AFDN: variants seen among roughly 807,000 people sequenced by gnomAD.
The protein encoded by AFDN is afadin.
Under a neutral mutation model 216.6 loss-of-function variants are expected in AFDN, and 68 were observed. That is an observed-to-expected ratio of 0.31 (90% CI 0.26 to 0.38). The LOEUF is 0.38. Ranked by LOEUF, AFDN falls within the 10% of genes least tolerant of loss-of-function variation. The pLI is 1.00. For missense variants in AFDN, 2,136 were observed against 2,342.0 expected (o/e 0.91, Z 1.82); for synonymous variants, 868 against 853.7 (o/e 1.02, Z -0.29).
intron 4 of AFDN, 110 bp from the exon 5 acceptor site, chr6:167,875,225 A>G (rs1785218610): frequency 2.2e-6 from 2 of 929,074 alleles, no homozygotes; most frequent in Non-Finnish European, 3.3e-6. Context: ...TCTTAGGTAC[A>G]GATGTAGCCA....
chr6:167,835,230 T>C (rs1339153622), intron 1 of AFDN, among the ~76,000 whole-genome samples: 1 of 152,256 alleles, frequency 6.6e-6, no homozygotes, highest in Non-Finnish European at 1.5e-5. Flanking sequence ...ATACAAGTTT[T>C]TAAAAAATTT....
intron 23 of AFDN, among the ~76,000 whole-genome samples, chr6:167,933,794 A>G (rs1372884247): frequency 1.3e-5 from 2 of 152,270 alleles, no homozygotes; most frequent in Admixed American, 6.5e-5. Context: ...TTAAAATAAC[A>G]TAATAGGAAC....
rs377069127 is a variant in AFDN at position 167,951,845 on chromosome 6, C to T, written c.4491C>T (p.Ile1497=). ...ELQPQQQPRT[I]ERRDLQYITV... is the part of the protein sequence containing the mutation. ...AGCCTCAGCAGCAGCCCCGCACGAT[C>T]GAGCGCAGAGACTTGCAGTACATTA... Residue 1497 remains isoleucine (I), a synonymous_variant, in exon 30 of 34, where the codon ATC becomes ATT. Transcript: ENST00000683244. The surrounding 1 kb of genome is among the most constrained non-coding windows in gnomAD (Gnocchi z 7.1). 1.1e-5 allele frequency: 17 copies of T among 1,613,994 alleles called. No individual in the cohort carries two copies. In the East Asian group the frequency reaches 1.1e-4, roughly 11 times the overall value.
intron 31 of AFDN, chr6:167,964,629 T>C: frequency 9.5e-7 from 1 of 1,056,532 alleles, no homozygotes. Context: ...TGTGTGTGTG[T>C]GTGTGTGTGT....
At position 167,860,338 on chromosome 6, in the gene AFDN, C is replaced by T. The variant is rs144476142; in HGVS notation, c.106-4213C>T. Among the ~76,000 whole-genome samples, 746 of 152,164 alleles carry T rather than the reference C, an allele frequency of 4.9e-3. 10 individuals are homozygous for T. Among genetic ancestry groups the T allele is most frequent in the African/African-American group, 0.016 (681 of 41,518 alleles). ...ATTGAGAACAGACAACCACAGCTGG[C>T]AGAATTAGGTCTTGTTATTGGGCAT... On this transcript the variant is annotated intron_variant, in intron 1 of 33. Transcript: ENST00000683244.
intron 30 of AFDN, among the ~76,000 whole-genome samples, chr6:167,959,046 C>CA (rs765992921): frequency 6.6e-6 from 1 of 152,320 alleles, no homozygotes; most frequent in Non-Finnish European, 1.5e-5. Flanking sequence ...GAATGGAATA[C>CA]AAAGTTTGTA....
At chr6:167,922,829 C>CT (rs762606924) in intron 21 of AFDN, 27 bp from the exon 22 acceptor site, 1 of 1,478,214 alleles carries the variant, frequency 6.8e-7, no homozygotes, top group South Asian at 1.2e-5. Context: ...TGCTTTTTCA[C>CT]TTACAATTTG....
intron 1 of AFDN, 87 bp downstream of exon 1, chr6:167,827,324 C>A: frequency 3.0e-6 from 1 of 338,422 alleles, no homozygotes; most frequent in Non-Finnish European, 3.8e-6. Context: ...CCGCCAGCCG[C>A]GGACCCGCCC....
chr6:167,869,010 G>A (rs1348649106), intron 2 of AFDN, among the ~76,000 whole-genome samples: 1 of 151,336 alleles, frequency 6.6e-6, no homozygotes, highest in African/African-American at 2.4e-5. Context: ...TCTTGAGCTC[G>A]ATCGATCTAT....
At chr6:167,846,829 A>G (rs1032230521) in intron 1 of AFDN, among the ~76,000 whole-genome samples, 3 of 151,868 alleles carry the variant, frequency 2.0e-5, no homozygotes, top group Non-Finnish European at 2.9e-5. Context: ...AAAAGTCATA[A>G]TTAAAACTCT....
At chr6:167,896,811 T>A (rs910296874) in intron 9 of AFDN, 67 bp from the exon 10 acceptor site, 6 of 936,928 alleles carry the variant, frequency 6.4e-6, no homozygotes, top group Admixed American at 2.0e-5. Context: ...ACCTTTTGTT[T>A]GTTGGAAATA....
At chr6:167,870,282 G>C (rs1174231441) in intron 2 of AFDN, 104 bp from the exon 3 acceptor site, 1 of 651,644 alleles carries the variant, frequency 1.5e-6, no homozygotes, top group Non-Finnish European at 2.7e-6. Flanking sequence ...TCTGCAAGTA[G>C]GTGCTTTGTC....
intron 1 of AFDN, among the ~76,000 whole-genome samples, chr6:167,864,068 T>C (rs1583201864): frequency 6.6e-6 from 1 of 152,198 alleles, no homozygotes; most frequent in African/African-American, 2.4e-5. Flanking sequence ...CCCTTGGAGC[T>C]GGAAAGGGAC....
chr6:167,946,815 C>T lies in AFDN; in HGVS notation c.3467C>T (p.Ala1156Val), dbSNP rs370787753. The T allele has an allele frequency of 6.2e-6, 10 of 1,613,108 alleles. No individual in the cohort carries two copies. The African/African-American group carries it at 1.3e-4, about 22-fold the overall frequency. The change falls in exon 27 of 34, where the codon GCA (alanine) becomes GTA (valine). Residue 1156 changes from alanine to valine, a missense_variant. Transcript: ENST00000683244. Reference sequence around the variant, plus strand: ...CCTGAGAGTCCTCAGCTGCCTTGGGCAGAATATAGTGAACCAAAGAAATTG... The same window carrying T: ...CCTGAGAGTCCTCAGCTGCCTTGGGTAGAATATAGTGAACCAAAGAAATTG... ...GSPESPQLPW[A>V]EYSEPKKLPG...
intron 1 of AFDN, among the ~76,000 whole-genome samples, chr6:167,832,760 T>G (rs1364932442): frequency 6.6e-6 from 1 of 152,248 alleles, no homozygotes; most frequent in Non-Finnish European, 1.5e-5. Context: ...GCCAAAATTT[T>G]TGTGCTTTTG....
chr6:167,943,486 T>C lies in AFDN; in HGVS notation c.3239+11T>C. The C allele has an allele frequency of 6.2e-7, 1 of 1,606,354 alleles. No individual in the cohort carries two copies. Among genetic ancestry groups the C allele is most frequent in the Non-Finnish European group, 8.5e-7 (1 of 1,172,910 alleles). On this transcript the variant is annotated intron_variant, in intron 25 of 33. Transcript: ENST00000683244. ...ACTCTCTCAGGAAAGGTATCATTGA[T>C]TTATTTGCTTGAAGCATAGTATTAG... is the stretch of plus-strand genomic sequence containing the variant.
intron 1 of AFDN, among the ~76,000 whole-genome samples, chr6:167,845,374 ATTTCTTTTCTTTTCTT>A (rs1338803625): frequency 4.6e-5 from 7 of 151,792 alleles, no homozygotes; most frequent in East Asian, 3.9e-4. Flanking sequence ...TTAAATGAAT[ATTTCTTTTCTTTTCTT>A]TTTCTTTTCT....
rs71004178 is a variant in AFDN, at chr6:167,891,408, G to GGTGTGT, written c.1177+417_1177+422dup. 1.2e-3 allele frequency among the ~76,000 whole-genome samples: 84 copies of GGTGTGT among 72,098 alleles called. 1 individual carries two copies. The highest frequency in any genetic ancestry group is 3.0e-3 in the African/African-American group (46 of 15,258). The allele number at this position is 72,098 out of a possible 152,430, so 47.3% of individuals were successfully genotyped here. On this transcript the variant is annotated intron_variant, in intron 8 of 33. Transcript: ENST00000683244. The stretch of plus-strand genomic sequence containing the variant: ...CTAGGGCAGATTTCATAAAGGGGTG[G>GGTGTGT]GTGTGTGTGTGTGTGTGTGTGTGTG...
At chr6:167,856,048 G>T (rs141024787) in intron 1 of AFDN, among the ~76,000 whole-genome samples, 91 of 152,258 alleles carry the variant, frequency 6.0e-4, no homozygotes, top group Non-Finnish European at 1.2e-3. Context: ...GTCCAGCTAT[G>T]TTCCACCCGG....
Sources: allele counts gnomAD v4.1 joint callset (sites outside exome capture counted in the v4.1 genomes callset), GRCh38; gene constraint gnomAD v4.1.1; non-coding constraint Gnocchi (gnomAD v3.1); transcripts MANE v1.5; gene names NCBI Gene and HGNC (gene_info 2026-07-23, HGNC 2026-07-21).